BCO1: variants seen among roughly 807,000 people sequenced by gnomAD.
The protein encoded by BCO1 is beta,beta-carotene 15,15'-dioxygenase.
A neutral mutation model predicts 56.3 loss-of-function variants in BCO1; 54 were observed. The observed-to-expected ratio is 0.96, with a 90% CI of 0.77 to 1.20. The LOEUF (loss-of-function observed/expected upper bound fraction) is 1.20, where lower values mean the gene tolerates loss of function less well. Ranked by LOEUF, BCO1 falls within the 50% of genes most tolerant of loss-of-function variation. The pLI, the probability that BCO1 is intolerant of heterozygous loss-of-function variation, is 0.00. For synonymous variants in BCO1, 318 were observed against 266.1 expected (o/e 1.20, Z -1.90); for missense variants, 801 against 690.9 (o/e 1.16, Z -1.79).
chr16:81,256,642 C>A lies in BCO1; in HGVS notation c.194-3034C>A, dbSNP rs186100899. Among the ~76,000 whole-genome samples the A allele has an allele frequency of 2.8e-3, 419 of 152,244 alleles. 3 individuals carry two copies. Among genetic ancestry groups the A allele is most frequent in the African/African-American group, 9.8e-3 (406 of 41,534 alleles). ...GTGGTTCATGCCTGTAATCCCAGCA[C>A]TTTGGGAGGCCGAGGCAGGCAGTTC... On this transcript the variant is annotated intron_variant, in intron 2 of 10. Coordinates refer to ENST00000258168, the MANE Select transcript of BCO1 (RefSeq NM_017429.3).
chr16:81,244,717 C>CTTTTTTTTTTT (rs55904406), intron 1 of BCO1, among the ~76,000 whole-genome samples: 1 of 129,220 alleles, frequency 7.7e-6, no homozygotes, highest in Non-Finnish European at 1.6e-5. Context: ...TTGCCCCTAT[C>CTTTTTTTTTTT]TTTTTTTTTT....
intron 8 of BCO1, among the ~76,000 whole-genome samples, chr16:81,284,411 G>A (rs1385965546): frequency 1.3e-5 from 2 of 152,038 alleles, no homozygotes; most frequent in South Asian, 2.1e-4. Flanking sequence ...AATGTAAACT[G>A]TAAGGCAGTT....
intron 7 of BCO1, among the ~76,000 whole-genome samples, chr16:81,274,747 C>G (rs112100386): frequency 0.014 from 2,084 of 152,088 alleles, 55 homozygotes; most frequent in African/African-American, 0.048. Context: ...GCGTGGTGGC[C>G]CCTGCCTGTA....
In BCO1 at chr16:81,280,368, GTCTCT is replaced by G. The variant is rs1907810874; in HGVS notation, c.1102-484_1102-480del. ...ACACACACATTTAGTATATTTCTCT[GTCTCT>G]TCTCCGTGTAACTTTTTTAATGTGG... On this transcript the variant is annotated intron_variant, in intron 7 of 10. Coordinates refer to ENST00000258168, the MANE Select transcript of BCO1 (RefSeq NM_017429.3). Among the ~76,000 whole-genome samples, 3 of 141,940 alleles carry G rather than the reference GTCTCT, an allele frequency of 2.1e-5. 1 individual carries two copies. The highest frequency in any genetic ancestry group is 4.4e-4 in the South Asian group (2 of 4,554). The allele number at this position is 141,940 out of a possible 152,430, so 93.1% of individuals were successfully genotyped here. A position where few individuals can be genotyped will look rare whatever the true frequency, so the allele number is the denominator to read the frequency against.
chr16:81,245,790 G>A (rs191412328), intron 2 of BCO1, among the ~76,000 whole-genome samples, 187 bp downstream of exon 2: 288 of 149,120 alleles, frequency 1.9e-3, no homozygotes, highest in Admixed American at 0.014. Flanking sequence ...AAATATCCAC[G>A]TTCTTCCGTT....
At chr16:81,248,343 C>T (rs1192279184) in intron 2 of BCO1, among the ~76,000 whole-genome samples, 2 of 137,236 alleles carry the variant, frequency 1.5e-5, no homozygotes, top group Non-Finnish European at 1.5e-5. Flanking sequence ...GCAGCGGTTG[C>T]AGTGAGCTGA....
chr16:81,277,083 A>G (rs926299084), intron 7 of BCO1, among the ~76,000 whole-genome samples: 1 of 151,512 alleles, frequency 6.6e-6, no homozygotes, highest in Non-Finnish European at 1.5e-5. Context: ...AAAAAAAAAA[A>G]AGTAAAATAA....
In BCO1 at chr16:81,259,579, A is replaced by T. The variant is rs549771943; in HGVS notation, c.194-97A>T. ...AGGAGCTTGTCCTAGTGAAATAACC[A>T]CCTTCTTCTCCCAGTAAAACCCATA... On this transcript the variant is annotated intron_variant, in intron 2 of 10. Transcript: ENST00000258168. 11 of 1,500,122 alleles carry T rather than the reference A, an allele frequency of 7.3e-6. No individual in the cohort carries two copies. In the Admixed American group the frequency reaches 1.9e-4, roughly 27 times the overall value. 92.9% of individuals were successfully genotyped at this position (1,500,122 alleles called of 1,614,324 possible).
intron 5 of BCO1, 92 bp downstream of exon 5, chr16:81,264,879 G>T (rs917437205): frequency 4.9e-6 from 7 of 1,422,716 alleles, no homozygotes; most frequent in Non-Finnish European, 5.9e-6. Flanking sequence ...ACAAGATCCA[G>T]TGTGGTACTT....
intron 4 of BCO1, chr16:81,262,556 G>T: frequency 2.4e-6 from 1 of 418,592 alleles, no homozygotes; most frequent in African/African-American, 2.0e-5. Context: ...GGCTGGGTGT[G>T]GTGACCTACA....
chr16:81,281,058 G>C, intron 8 of BCO1, 96 bp downstream of exon 8: 1 of 875,582 alleles, frequency 1.1e-6, no homozygotes. Flanking sequence ...CCTGTGCATG[G>C]ACAAGGGCCA....
intron 8 of BCO1, among the ~76,000 whole-genome samples, chr16:81,281,931 G>A (rs551851050): frequency 6.6e-6 from 1 of 152,258 alleles, no homozygotes; most frequent in Non-Finnish European, 1.5e-5. Context: ...ATATAAGCCC[G>A]TGAGGCGAGA....
intron 5 of BCO1, among the ~76,000 whole-genome samples, chr16:81,265,572 G>C (rs1013490014): frequency 8.7e-6 from 1 of 115,028 alleles, no homozygotes. Context: ...CATCCATTGA[G>C]CTTCCCACCC....
rs536810325 is a variant in BCO1 at position 81,260,462 on chromosome 16, G to T, written c.323+657G>T. ...GGCAGATGGATGTTGAGGAGAGGGAGAGATTTTTTGCTGTATATATTTTAT... is the reference window on the plus strand; with the variant it reads ...GGCAGATGGATGTTGAGGAGAGGGATAGATTTTTTGCTGTATATATTTTAT... On this transcript the variant is annotated intron_variant, in intron 3 of 10. Transcript: ENST00000258168. Among the ~76,000 whole-genome samples the T allele has an allele frequency of 1.4e-4, 22 of 152,088 alleles. No individual in the cohort carries two copies. The East Asian group carries it at 3.7e-3, about 25-fold the overall frequency.
At chr16:81,250,641 C>G (rs11646322) in intron 2 of BCO1, among the ~76,000 whole-genome samples, 1 of 133,602 alleles carries the variant, frequency 7.5e-6, no homozygotes, top group Non-Finnish European at 1.5e-5. Flanking sequence ...AGTACAGTGG[C>G]ACGATCTCAG....
At chr16:81,265,269 C>G (rs1597361101) in intron 5 of BCO1, among the ~76,000 whole-genome samples, 1 of 151,376 alleles carries the variant, frequency 6.6e-6, no homozygotes, top group African/African-American at 2.4e-5. Flanking sequence ...CACTCACCAT[C>G]CATCCATTCA....
intron 1 of BCO1, among the ~76,000 whole-genome samples, chr16:81,241,676 T>A (rs1423191237): frequency 6.6e-6 from 1 of 152,076 alleles, no homozygotes; most frequent in African/African-American, 2.4e-5. Flanking sequence ...TATTGACAGA[T>A]GGGAAACTGA....
intron 2 of BCO1, among the ~76,000 whole-genome samples, chr16:81,258,227 C>T (rs952096060): frequency 6.6e-6 from 1 of 152,130 alleles, no homozygotes; most frequent in African/African-American, 2.4e-5. Flanking sequence ...TGTGTGAAGC[C>T]ACTAAGTGAG....
chr16:81,247,978 T>A lies in BCO1; in HGVS notation c.193+2375T>A, dbSNP rs72833311. On this transcript the variant is annotated intron_variant, in intron 2 of 10. Coordinates refer to ENST00000258168, the MANE Select transcript of BCO1 (RefSeq NM_017429.3). ...AAGGTACTGACCCTGTCTGTCTCAG[T>A]CTCTTCTGTAAAATGGACATATCAA... Among the ~76,000 whole-genome samples, 5 of 152,194 alleles carry A rather than the reference T, an allele frequency of 3.3e-5. No individual in the cohort carries two copies. In the East Asian group the frequency reaches 7.7e-4, roughly 23 times the overall value.
Sources: allele counts gnomAD v4.1 joint callset (sites outside exome capture counted in the v4.1 genomes callset), GRCh38; gene constraint gnomAD v4.1.1; transcripts MANE v1.5; gene names NCBI Gene and HGNC (gene_info 2026-07-23, HGNC 2026-07-21).